The following ADAR variants were observed in gnomAD, a reference collection of about 807,000 sequenced individuals.
ADAR encodes adenosine deaminase RNA specific, also known as double-stranded RNA-specific adenosine deaminase.
A neutral mutation model predicts 113.2 loss-of-function variants in ADAR; 41 were observed. The observed-to-expected ratio is 0.36, with a 90% confidence interval of 0.28 to 0.47. ADAR has a LOEUF of 0.47. Among genes scored for constraint, ADAR ranks in the 20% least tolerant of loss-of-function variants. The pLI is 1.00. For missense variants in ADAR, 1,242 were observed against 1,540.9 expected (o/e 0.81, Z 3.25); for synonymous variants, 605 against 572.6 (o/e 1.06, Z -0.81).
At position 154,584,925 on chromosome 1, in the gene ADAR, C is replaced by T. The variant is rs761344509; in HGVS notation, c.3562G>A (p.Ala1188Thr). The part of the protein sequence containing the change: ...LRLSYGEAKK[A>T]ARDYETAKNY... ...TTGGCCGTCTCGTAGTCACGGGCAG[C>T]TTTCTTGGCCTCACCATAGGAGAGT... is the stretch of plus-strand genomic sequence containing the variant. Residue 1188 changes from alanine (A) to threonine (T), a missense_variant, in exon 15 of 15, where the codon GCT becomes ACT. Ala to Thr is a moderately conservative substitution (Grantham distance 58). Around this residue, in one of 2 missense-constraint regions of ADAR, gnomAD observed 780 missense variants for 1,057.9 expected, o/e 0.74. Transcript: ENST00000368474. 5 of 1,614,184 alleles carry T rather than the reference C, an allele frequency of 3.1e-6. No individual in the cohort carries two copies. The highest frequency in any genetic ancestry group is 4.2e-6 in the Non-Finnish European group (5 of 1,180,036).
At chr1:154,588,436 C>G in intron 10 of ADAR, 115 bp downstream of exon 10, 1 of 1,529,766 alleles carries the variant, frequency 6.5e-7, no homozygotes, top group South Asian at 1.1e-5. Context: ...CTCAAACCCA[C>G]AGTGGAGTGT....
At chr1:154,610,390 G>A (rs1286902019), upstream of ADAR, among the ~76,000 whole-genome samples, 2 of 152,074 alleles carry the variant, frequency 1.3e-5, no homozygotes, top group Admixed American at 6.6e-5. Context: ...AAAGATCTAC[G>A]CATGCAACAA....
intron 1 of ADAR, chr1:154,627,815 A>G (rs1698988581): frequency 7.7e-6 from 4 of 516,340 alleles, no homozygotes; most frequent in Non-Finnish European, 1.5e-5. Flanking sequence ...CGCGCGTTCC[A>G]GCCCAGGCAG....
At chr1:154,622,037 G>A (rs1698802981) in intron 1 of ADAR, among the ~76,000 whole-genome samples, 1 of 152,164 alleles carries the variant, frequency 6.6e-6, no homozygotes, top group African/African-American at 2.4e-5. Flanking sequence ...TAACCAGGAA[G>A]ATGGATGTGC....
chr1:154,597,935 G>T lies in ADAR; in HGVS notation c.1827C>A (p.Phe609Leu). ...SQTPTPSATS[F>L]FSGKSPVTTL... The stretch of plus-strand genomic sequence containing the variant: ...TGGTGACGGGGCTCTTCCCAGAAAA[G>T]AAGGATGTGGCTGAAGGGGTGGGGG... The change falls in exon 4 of 15, where the codon TTC (phenylalanine) becomes TTA (leucine). Residue 609 changes from phenylalanine (F) to leucine (L), a missense_variant. Phe to Leu is a conservative substitution (Grantham distance 22). This residue lies in a region of ADAR where 780 missense variants were observed against 1,057.9 expected (regional missense o/e 0.74). Transcript: ENST00000368474. 1 of 1,614,108 alleles carries T rather than the reference G, an allele frequency of 6.2e-7. No homozygotes were observed. Among genetic ancestry groups the T allele is most frequent in the Non-Finnish European group, 8.5e-7 (1 of 1,180,000 alleles).
chr1:154,596,765 A>C (rs751788160), intron 6 of ADAR, 40 bp downstream of exon 6: 1 of 1,609,812 alleles, frequency 6.2e-7, no homozygotes, highest in Non-Finnish European at 8.5e-7. Flanking sequence ...GACCATCCCC[A>C]ACTGGTGACA....
intron 10 of ADAR, 129 bp downstream of exon 10, chr1:154,588,421 TG>T: frequency 6.7e-7 from 1 of 1,502,690 alleles, no homozygotes; most frequent in Non-Finnish European, 9.2e-7. Flanking sequence ...CACCTGAATA[TG>T]GACCTCAAAC....
chr1:154,606,945 A>ATAT (rs59439306), intron 1 of ADAR, among the ~76,000 whole-genome samples: 17,320 of 81,842 alleles, frequency 0.21, 1,180 homozygotes, highest in East Asian at 0.33. Context: ...TAAAAAAAAA[A>ATAT]AAATATATAT....
intron 2 of ADAR, chr1:154,600,125 A>G (rs1428587408): frequency 3.3e-5 from 5 of 152,306 alleles, no homozygotes; most frequent in Non-Finnish European, 7.3e-5. Flanking sequence ...GGAGGCAGGC[A>G]TGATATTGAT....
chr1:154,623,467 A>T (rs1426550549), intron 1 of ADAR, among the ~76,000 whole-genome samples: 2 of 152,146 alleles, frequency 1.3e-5, no homozygotes, highest in Middle Eastern at 3.2e-3. Flanking sequence ...GTGCATACAC[A>T]CACCCCTGCA....
At chr1:154,592,895 GGAGGCTGAGGCGGGTGGATCATCT>G (rs904151576) in intron 6 of ADAR, among the ~76,000 whole-genome samples, 3 of 151,870 alleles carry the variant, frequency 2.0e-5, no homozygotes, top group Non-Finnish European at 4.4e-5. Context: ...CAGCACTTTG[GGAGGCTGAGGCGGGTGGATCATCT>G]GAGGTCAGGA....
chr1:154,603,377 T>G (rs1384285104), intron 1 of ADAR, among the ~76,000 whole-genome samples: 2 of 152,146 alleles, frequency 1.3e-5, no homozygotes, highest in Non-Finnish European at 2.9e-5. Context: ...TGGCACACTG[T>G]CCTCACTCTT....
intron 1 of ADAR, among the ~76,000 whole-genome samples, chr1:154,615,825 A>G (rs1208736723): frequency 6.6e-6 from 1 of 152,198 alleles, no homozygotes; most frequent in African/African-American, 2.4e-5. Context: ...ATTAATTTAT[A>G]TTTTTAAAAT....
At position 154,598,392 on chromosome 1, in the gene ADAR, G is replaced by C. The variant is rs535441726; in HGVS notation, c.1785+10C>G. ...GAACTGATCCTCCCAGATGGCAGGA[G>C]GACACCTACCTTCTCTGATTCTTTC... On this transcript the variant is annotated intron_variant, in intron 3 of 14. Coordinates refer to ENST00000368474, the MANE Select transcript of ADAR (RefSeq NM_001111.5). 3.7e-6 allele frequency: 6 copies of C among 1,613,822 alleles called. No individual in the cohort carries two copies. Among genetic ancestry groups the C allele is most frequent in the East Asian group, 4.5e-5 (2 of 44,878 alleles).
rs766823464 is a variant in ADAR at position 154,597,921 on chromosome 1, C to T, written c.1841G>A (p.Ser614Asn). ...ACACTCAAGCAGTGTGGTGACGGGG[C>T]TCTTCCCAGAAAAGAAGGATGTGGC... Reference protein sequence around the residue: ...PSATSFFSGKSPVTTLLECMH... With the variant: ...PSATSFFSGKNPVTTLLECMH... The change falls in exon 4 of 15, where the codon AGC (serine) becomes AAC (asparagine). Residue 614 changes from serine (S) to asparagine (N), a missense_variant. By Grantham distance (46) the Ser-to-Asn change is conservative. Around this residue, in one of 2 missense-constraint regions of ADAR, gnomAD observed 780 missense variants for 1,057.9 expected, o/e 0.74. Transcript: ENST00000368474. 1 of 1,614,100 alleles carries T rather than the reference C, an allele frequency of 6.2e-7. No homozygotes were observed. The highest frequency in any genetic ancestry group is 1.1e-5 in the South Asian group (1 of 91,076).
At chr1:154,587,022 A>G (rs1413532091) in intron 11 of ADAR, among the ~76,000 whole-genome samples, 1 of 152,236 alleles carries the variant, frequency 6.6e-6, no homozygotes, top group Non-Finnish European at 1.5e-5. Flanking sequence ...CATTTAAAGC[A>G]TACAATTCAG....
At chr1:154,589,309 G>A (rs1696968210) in intron 9 of ADAR, 60 bp downstream of exon 9, 1 of 1,340,556 alleles carries the variant, frequency 7.5e-7, no homozygotes, top group Non-Finnish European at 1.1e-6. Context: ...AGCCATGTGG[G>A]GCAGGGAACT....
At chr1:154,590,135 A>AGGCGGGGGGGGGGGGGGGGGGGGGGG in intron 7 of ADAR, 49 bp downstream of exon 7, 5 of 1,205,014 alleles carry the variant, frequency 4.1e-6, no homozygotes, top group Non-Finnish European at 4.8e-6. Flanking sequence ...CTTAGGAGTT[A>AGGCGGGGGGGGGGGGGGGGGGGGGGG]GGAGGACCCC....
At chr1:154,611,469 T>C (rs1305063096), upstream of ADAR, among the ~76,000 whole-genome samples, 1 of 152,218 alleles carries the variant, frequency 6.6e-6, no homozygotes. Context: ...GATGTCTTTT[T>C]TTTTTTAACT....
Sources: gnomAD v4.1 joint callset for allele counts (sites outside exome capture counted in the v4.1 genomes callset) on GRCh38, gnomAD v4.1.1 for gene constraint, gnomAD v4.1.1 regional missense constraint, MANE v1.5 for transcripts, NCBI Gene and HGNC (gene_info 2026-07-23, HGNC 2026-07-21) for gene names.